The following SUPT3H variants were observed in gnomAD, a reference collection of about 807,000 sequenced individuals.
SUPT3H encodes the protein transcription initiation protein SPT3 homolog.
A neutral mutation model predicts 44.3 loss-of-function variants in SUPT3H; 44 were observed. That is an observed-to-expected ratio of 0.99 (90% CI 0.78 to 1.28). The LOEUF is 1.28. Among genes scored for constraint, SUPT3H ranks in the 50% most tolerant of loss-of-function variants. The pLI is 0.00. For missense variants in SUPT3H, 380 were observed against 387.1 expected, an observed-to-expected ratio of 0.98 and a Z score of 0.15; for synonymous variants, 124 against 125.6, an observed-to-expected ratio of 0.99 and a Z score of 0.09.
At chr6:44,863,208 C>A (rs941029469) in intron 10 of SUPT3H, among the ~76,000 whole-genome samples, 1 of 152,196 alleles carries the variant, frequency 6.6e-6, no homozygotes, top group African/African-American at 2.4e-5. Context: ...AGTCACTCTT[C>A]TAGGTGTGGG....
intron 10 of SUPT3H, among the ~76,000 whole-genome samples, chr6:44,884,810 G>C (rs1028168247): frequency 1.3e-5 from 2 of 152,180 alleles, no homozygotes; most frequent in South Asian, 2.1e-4. Flanking sequence ...AGCAGGGCGA[G>C]GCATTGCTTC....
rs28651350 is a variant in SUPT3H at position 45,088,027 on chromosome 6, T to C, written c.186+17895A>G. On this transcript the variant is annotated intron_variant, in intron 3 of 10. Coordinates refer to ENST00000371459, the MANE Select transcript of SUPT3H (RefSeq NM_003599.4). ...TGATAGTTAAGTTCTATTCCAATTATAGAGATAAAACGAGAAGGCATAAAA... is the reference window on the plus strand; with the variant it reads ...TGATAGTTAAGTTCTATTCCAATTACAGAGATAAAACGAGAAGGCATAAAA... Among the ~76,000 whole-genome samples, 448 of 152,106 alleles carry C rather than the reference T, an allele frequency of 2.9e-3. 2 individuals carry two copies. Among genetic ancestry groups the C allele is most frequent in the African/African-American group, 4.5e-3 (189 of 41,546 alleles).
At chr6:45,038,923 T>C (rs1051957547) in intron 3 of SUPT3H, among the ~76,000 whole-genome samples, 1 of 152,204 alleles carries the variant, frequency 6.6e-6, no homozygotes, top group Non-Finnish European at 1.5e-5. Context: ...AAAATCTTGG[T>C]ATTATTTCAA....
intron 2 of SUPT3H, among the ~76,000 whole-genome samples, chr6:45,337,069 T>C (rs1168038945): frequency 6.6e-6 from 1 of 151,624 alleles, no homozygotes; most frequent in South Asian, 2.1e-4. Flanking sequence ...AACAATAATA[T>C]AGTGAGAAGC....
At chr6:44,855,199 C>T (rs9296447) in intron 10 of SUPT3H, among the ~76,000 whole-genome samples, 12,144 of 152,140 alleles carry the variant, frequency 0.08, 758 homozygotes, top group African/African-American at 0.17. Context: ...TAACTTTGCC[C>T]CTCTTCTCCC....
intron 10 of SUPT3H, among the ~76,000 whole-genome samples, chr6:44,860,749 T>A (rs1348559124): frequency 6.6e-6 from 1 of 152,166 alleles, no homozygotes; most frequent in Non-Finnish European, 1.5e-5. Flanking sequence ...TTCTAGCCAC[T>A]AACATAAAAA....
chr6:45,028,149 T>C (rs531291727), intron 3 of SUPT3H, among the ~76,000 whole-genome samples: 19 of 152,352 alleles, frequency 1.2e-4, no homozygotes, highest in Admixed American at 3.3e-4. Flanking sequence ...TTTCCTGAAA[T>C]GTCTATTAAA....
At chr6:45,304,701 A>G (rs988660292) in intron 2 of SUPT3H, among the ~76,000 whole-genome samples, 1 of 152,038 alleles carries the variant, frequency 6.6e-6, no homozygotes, top group Non-Finnish European at 1.5e-5. Flanking sequence ...CGAATAGAAA[A>G]GAATGGCTTC....
chr6:44,901,862 T>C (rs369631366), intron 10 of SUPT3H, among the ~76,000 whole-genome samples: 68 of 152,010 alleles, frequency 4.5e-4, no homozygotes, highest in Non-Finnish European at 5.9e-5. Context: ...GAGTGGGGGC[T>C]AATATTCAAC....
At chr6:44,853,917 G>C (rs956136415) in intron 10 of SUPT3H, among the ~76,000 whole-genome samples, 3 of 151,526 alleles carry the variant, frequency 2.0e-5, no homozygotes, top group Admixed American at 6.6e-5. Flanking sequence ...CTTTATTCTA[G>C]ATAGTTGAGG....
At chr6:44,849,220 C>CTAATTTTTTTTT (rs746924269) in intron 10 of SUPT3H, among the ~76,000 whole-genome samples, 1 of 96,634 alleles carries the variant, frequency 1.0e-5, no homozygotes, top group Admixed American at 1.2e-4. Flanking sequence ...CAAATGAATA[C>CTAATTTTTTTTT]TTTTTTTTTT....
chr6:44,839,825 C>A (rs1041114512), intron 10 of SUPT3H, among the ~76,000 whole-genome samples: 6 of 152,090 alleles, frequency 3.9e-5, no homozygotes, highest in African/African-American at 1.4e-4. Flanking sequence ...CCTCAGCCTC[C>A]CGAGTAGCTG....
intron 3 of SUPT3H, among the ~76,000 whole-genome samples, chr6:45,102,292 A>T (rs767684786): frequency 2.2e-4 from 33 of 152,144 alleles, no homozygotes; most frequent in Non-Finnish European, 4.3e-4. Flanking sequence ...TTTAAGAGAG[A>T]CACAAAAGAG....
chr6:45,189,080 G>C (rs1454413204), intron 2 of SUPT3H, among the ~76,000 whole-genome samples: 1 of 151,946 alleles, frequency 6.6e-6, no homozygotes. Context: ...GGGATTACAG[G>C]CATGAGCCAC....
chr6:45,237,103 C>T (rs768730606), intron 2 of SUPT3H, among the ~76,000 whole-genome samples: 26 of 151,992 alleles, frequency 1.7e-4, no homozygotes, highest in Middle Eastern at 3.2e-3. Flanking sequence ...TGAAACTAAA[C>T]GAATAGGAGG....
At chr6:44,992,157 C>A (rs1184924473) in intron 6 of SUPT3H, among the ~76,000 whole-genome samples, 1 of 152,218 alleles carries the variant, frequency 6.6e-6, no homozygotes, top group East Asian at 1.9e-4. Flanking sequence ...AGGTGTTTTA[C>A]AAACAAGCTA....
At chr6:44,856,219 G>A (rs917984785) in intron 10 of SUPT3H, among the ~76,000 whole-genome samples, 2 of 152,128 alleles carry the variant, frequency 1.3e-5, no homozygotes, top group African/African-American at 4.8e-5. Flanking sequence ...AAGGGATGGT[G>A]TTTATCTTTC....
At chr6:45,331,077 A>T (rs569071637) in intron 2 of SUPT3H, among the ~76,000 whole-genome samples, 1 of 151,878 alleles carries the variant, frequency 6.6e-6, no homozygotes, top group Non-Finnish European at 1.5e-5. Flanking sequence ...ACACATTAAC[A>T]ACTGCTTCAC....
intron 3 of SUPT3H, among the ~76,000 whole-genome samples, chr6:45,051,147 C>T: frequency 6.6e-6 from 1 of 152,080 alleles, no homozygotes; most frequent in South Asian, 2.1e-4. Context: ...CCTCGGCCTC[C>T]CAAAGTGCTG....
Sources: gnomAD v4.1 joint callset for allele counts (sites outside exome capture counted in the v4.1 genomes callset) on GRCh38, gnomAD v4.1.1 for gene constraint, MANE v1.5 for transcripts, NCBI Gene and HGNC (gene_info 2026-07-23, HGNC 2026-07-21) for gene names.